MIS18A: variants seen among roughly 807,000 people sequenced by gnomAD.
MIS18A encodes the protein protein Mis18-alpha.
MIS18A carries 14 observed loss-of-function variants against 25.0 expected under a neutral mutation model. The observed-to-expected ratio is 0.56, with a 90% confidence interval of 0.37 to 0.88. MIS18A has a LOEUF of 0.88. Among genes scored for constraint, MIS18A ranks in the 40% least tolerant of loss-of-function variants. The pLI, the probability that MIS18A is intolerant of heterozygous loss-of-function variation, is 0.00. For missense variants in MIS18A, 292 were observed against 290.8 expected, an observed-to-expected ratio of 1.00 and a Z score of -0.03; for synonymous variants, 134 against 118.6, an observed-to-expected ratio of 1.13 and a Z score of -0.84.
chr21:32,189,825 C>T, the MIS18A span, among the ~76,000 whole-genome samples: 1 of 152,290 alleles, frequency 6.6e-6, no homozygotes, highest in Non-Finnish European at 1.5e-5. Flanking sequence ...CTGTCACTGC[C>T]CTTCCACACC....
chr21:32,194,659 C>T, the MIS18A span, among the ~76,000 whole-genome samples: 2 of 139,918 alleles, frequency 1.4e-5, no homozygotes, highest in African/African-American at 2.6e-5. Flanking sequence ...AACTCCGTCT[C>T]GAATTAAAAA....
the MIS18A span, among the ~76,000 whole-genome samples, chr21:32,219,034 C>T: frequency 1.3e-5 from 2 of 149,730 alleles, no homozygotes; most frequent in African/African-American, 4.9e-5. Flanking sequence ...TGTCATTGCA[C>T]TCTAGCCTGG....
At chr21:32,188,233 C>T in the MIS18A span, among the ~76,000 whole-genome samples, 2 of 152,224 alleles carry the variant, frequency 1.3e-5, no homozygotes, top group Admixed American at 1.3e-4. Flanking sequence ...GACAGCCAGC[C>T]ACAGTTTCAT....
chr21:32,164,439 TA>T, the MIS18A span, among the ~76,000 whole-genome samples: 1 of 152,190 alleles, frequency 6.6e-6, no homozygotes, highest in African/African-American at 2.4e-5. Flanking sequence ...TTAGTTTCTG[TA>T]ACCAAACTCA....
chr21:32,167,918 A>G, the MIS18A span, among the ~76,000 whole-genome samples: 1 of 152,194 alleles, frequency 6.6e-6, no homozygotes, highest in African/African-American at 2.4e-5. Context: ...TACAGAAGAC[A>G]ATAGGACGTT....
chr21:32,243,805 G>T, the MIS18A span, among the ~76,000 whole-genome samples: 10 of 151,912 alleles, frequency 6.6e-5, no homozygotes, highest in Non-Finnish European at 1.5e-4. Context: ...ATTACCTGAG[G>T]TCAGAAGTTC....
At chr21:32,248,177 T>C in the MIS18A span, among the ~76,000 whole-genome samples, 1 of 152,196 alleles carries the variant, frequency 6.6e-6, no homozygotes, top group Admixed American at 6.5e-5. Context: ...ATTCCCTTTC[T>C]TGGTTATGTT....
At chr21:32,201,076 C>T in the MIS18A span, among the ~76,000 whole-genome samples, 1 of 152,036 alleles carries the variant, frequency 6.6e-6, no homozygotes, top group South Asian at 2.1e-4. Flanking sequence ...CCTGGTGAGG[C>T]CTCAGGAAGT....
the MIS18A span, among the ~76,000 whole-genome samples, chr21:32,243,707 A>C: frequency 6.6e-6 from 1 of 152,160 alleles, no homozygotes; most frequent in African/African-American, 2.4e-5. Context: ...TTGTATGCAG[A>C]TACTTATTAG....
the MIS18A span, among the ~76,000 whole-genome samples, chr21:32,215,584 T>C: frequency 6.6e-6 from 1 of 152,084 alleles, no homozygotes; most frequent in African/African-American, 2.4e-5. Flanking sequence ...CTGGTATCCA[T>C]CTCAGAGGGA....
chr21:32,237,838 C>A, the MIS18A span, among the ~76,000 whole-genome samples: 1 of 151,976 alleles, frequency 6.6e-6, no homozygotes, highest in African/African-American at 2.4e-5. Context: ...AGGGGAGGAA[C>A]CAACCAGAAG....
the MIS18A span, among the ~76,000 whole-genome samples, chr21:32,219,298 G>T: frequency 6.6e-6 from 1 of 152,142 alleles, no homozygotes; most frequent in African/African-American, 2.4e-5. Flanking sequence ...CTTGGGACTG[G>T]TTACACAGTG....
chr21:32,226,779 C>T, the MIS18A span, among the ~76,000 whole-genome samples: 36 of 152,228 alleles, frequency 2.4e-4, no homozygotes, highest in Non-Finnish European at 1.5e-5. Flanking sequence ...CAGAACACTT[C>T]AGAATACATA....
At chr21:32,171,063 A>C in the MIS18A span, among the ~76,000 whole-genome samples, 1 of 152,104 alleles carries the variant, frequency 6.6e-6, no homozygotes, top group Admixed American at 6.5e-5. Context: ...GCTTTCCCTT[A>C]AGGTCAGGAA....
chr21:32,181,320 A>G, the MIS18A span, among the ~76,000 whole-genome samples: 1 of 152,166 alleles, frequency 6.6e-6, no homozygotes, highest in African/African-American at 2.4e-5. Flanking sequence ...GCTTGCAGGT[A>G]GTAGATCGTA....
chr21:32,195,673 G>A, the MIS18A span, among the ~76,000 whole-genome samples: 15 of 152,202 alleles, frequency 9.9e-5, no homozygotes, highest in Admixed American at 5.2e-4. Context: ...TATGAGCTCC[G>A]TGCTCCAGAG....
the MIS18A span, among the ~76,000 whole-genome samples, chr21:32,189,645 C>T: frequency 3.9e-5 from 6 of 152,300 alleles, no homozygotes; most frequent in East Asian, 9.6e-4. Flanking sequence ...CATCCCTTTA[C>T]GTTTTATCAT....
chr21:32,198,179 G>A, the MIS18A span, among the ~76,000 whole-genome samples: 1 of 152,206 alleles, frequency 6.6e-6, no homozygotes, highest in Non-Finnish European at 1.5e-5. Context: ...TTAGGAGGGT[G>A]TGCACGTGCA....
chr21:32,240,222 C>A, the MIS18A span, among the ~76,000 whole-genome samples: 1 of 152,220 alleles, frequency 6.6e-6, no homozygotes, highest in African/African-American at 2.4e-5. Flanking sequence ...TAAATTCATA[C>A]GTTAAAACCT....
Sources: gnomAD v4.1 joint callset for allele counts (sites outside exome capture counted in the v4.1 genomes callset) on GRCh38, gnomAD v4.1.1 for gene constraint, MANE v1.5 for transcripts, NCBI Gene and HGNC (gene_info 2026-07-23, HGNC 2026-07-21) for gene names.